Variants in GRID2IP observed in about 807,000 individuals in gnomAD.
The protein encoded by GRID2IP is Grid2 interacting protein, also known as delphilin.
In GRID2IP, 78 loss-of-function variants were observed where a neutral mutation model predicts 114.3. The ratio of observed to expected loss-of-function variants is 0.68; its 90% CI spans 0.57 to 0.82. The LOEUF is 0.82. Among genes scored for constraint, GRID2IP ranks in the 40% least tolerant of loss-of-function variants. GRID2IP has a pLI of 0.00. For synonymous variants in GRID2IP, 809 were observed against 724.0 expected, an observed-to-expected ratio of 1.12 and a Z score of -1.89; for missense variants, 1,727 against 1,678.5, an observed-to-expected ratio of 1.03 and a Z score of -0.51.
Position 6,510,282 on chromosome 7 carries a change from C to T in GRID2IP, c.1771+1G>A. ...GTAGATGACAGAGGCTGGAGCCCTA[C>T]CTGTGGTGACTGCTGGGCTGGGGCC... On this transcript the variant is annotated splice_donor_variant, in intron 11 of 21. Transcript: ENST00000457091. LOFTEE classifies it high-confidence loss of function. 6.5e-7 allele frequency: 1 copy of T among 1,535,786 alleles called. No homozygotes were observed. The highest frequency in any genetic ancestry group is 8.8e-7 in the Non-Finnish European group (1 of 1,137,786).
In GRID2IP at chr7:6,510,890, C is replaced by A. The variant is rs138354486; in HGVS notation, c.1555+18G>T. Reference sequence around the variant, plus strand: ...AAACTGAGCTCCATTCATACCCTCCCCCTGACACCAGCCTTACCGCAGCTG... The same window carrying A: ...AAACTGAGCTCCATTCATACCCTCCACCTGACACCAGCCTTACCGCAGCTG... On this transcript the variant is annotated intron_variant, in intron 9 of 21. Transcript: ENST00000457091. The A allele has an allele frequency of 2.6e-6, 4 of 1,549,562 alleles. 1 individual carries two copies. In the South Asian group the frequency reaches 3.6e-5, roughly 14 times the overall value.
At chr7:6,547,895 T>C (rs952042) in intron 1 of GRID2IP, among the ~76,000 whole-genome samples, 47,886 of 151,894 alleles carry the variant, frequency 0.32, 7,730 homozygotes, top group Admixed American at 0.39. Flanking sequence ...ATTTCTGCAA[T>C]AGTCAAACTC....
rs374943777 is a variant in GRID2IP at position 6,519,833 on chromosome 7, C to T, written c.1268+745G>A. Among the ~76,000 whole-genome samples the T allele has an allele frequency of 3.3e-4, 51 of 152,258 alleles. No individual in the cohort carries two copies. The South Asian group carries it at 0.011, about 32-fold the overall frequency. On this transcript the variant is annotated intron_variant, in intron 7 of 21. Coordinates refer to ENST00000457091, the MANE Select transcript of GRID2IP (RefSeq NM_001145118.2). The surrounding 1 kb of genome is among the most constrained non-coding windows in gnomAD (Gnocchi z 4.1). ...GGACAAGTGACAGGCTTTGCAGAGACCATAATAATGACCCCATGGACCGAG... is the reference window on the plus strand; with the variant it reads ...GGACAAGTGACAGGCTTTGCAGAGATCATAATAATGACCCCATGGACCGAG...
intron 20 of GRID2IP, among the ~76,000 whole-genome samples, chr7:6,498,452 C>T (rs533288855): frequency 5.3e-5 from 8 of 152,268 alleles, no homozygotes; most frequent in Non-Finnish European, 1.0e-4. Flanking sequence ...AGCCTCAGGC[C>T]ATTCACCCCT....
chr7:6,542,734 A>G (rs1233599614), intron 1 of GRID2IP, among the ~76,000 whole-genome samples: 62 of 152,182 alleles, frequency 4.1e-4, no homozygotes, highest in Non-Finnish European at 1.5e-5. Flanking sequence ...TGTTAGAGTG[A>G]TGAAATTGTT....
At position 6,518,323 on chromosome 7, in the gene GRID2IP, A is replaced by G. The variant is rs192338837; in HGVS notation, c.1268+2255T>C. 7.2e-5 allele frequency among the ~76,000 whole-genome samples: 11 copies of G among 152,364 alleles called. No individual in the cohort carries two copies. In the East Asian group the frequency reaches 2.1e-3, roughly 29 times the overall value. ...ACAAAAATGGACAAAGGGTATGAAC[A>G]GTAATTTATAGAGAAAAATCCCAGA... On this transcript the variant is annotated intron_variant, in intron 7 of 21. Transcript: ENST00000457091.
At chr7:6,498,024 C>T (rs4574760) in intron 21 of GRID2IP, 40 bp downstream of exon 21, 538,385 of 1,494,808 alleles carry the variant, frequency 0.36, 103,699 homozygotes, top group Non-Finnish European at 0.4. Flanking sequence ...CTGGCCCCCA[C>T]CTCTCCAAAA....
chr7:6,497,866 G>T (rs909895623), intron 21 of GRID2IP, 21 bp from the exon 22 acceptor site: 2 of 1,543,916 alleles, frequency 1.3e-6, no homozygotes, highest in Non-Finnish European at 1.8e-6. Flanking sequence ...GGAACACAGA[G>T]GTAGGGTGGT....
At chr7:6,546,857 TG>T (rs1779896969) in intron 1 of GRID2IP, among the ~76,000 whole-genome samples, 1 of 152,144 alleles carries the variant, frequency 6.6e-6, no homozygotes, top group Non-Finnish European at 1.5e-5. Context: ...CTTCCAACTC[TG>T]CAGGGATTAG....
chr7:6,545,203 C>A (rs181792200), intron 1 of GRID2IP, among the ~76,000 whole-genome samples: 1 of 152,038 alleles, frequency 6.6e-6, no homozygotes, highest in African/African-American at 2.4e-5. Context: ...CTCTTGTGCC[C>A]GGGAAATCAA....
chr7:6,537,265 C>T (rs1048119772), intron 2 of GRID2IP, among the ~76,000 whole-genome samples: 5 of 150,646 alleles, frequency 3.3e-5, no homozygotes, highest in East Asian at 2.0e-4. Context: ...GAGAGCAGGC[C>T]GGGCACGGTG....
chr7:6,550,971 C>CACCA, intron 1 of GRID2IP, 37 bp downstream of exon 1: 1 of 1,168,586 alleles, frequency 8.6e-7, no homozygotes, highest in Non-Finnish European at 1.1e-6. Flanking sequence ...TATGAGCCCC[C>CACCA]TCCTTCCCGC....
intron 8 of GRID2IP, among the ~76,000 whole-genome samples, chr7:6,511,625 G>A (rs992171683): frequency 3.3e-5 from 5 of 151,652 alleles, no homozygotes; most frequent in Non-Finnish European, 2.9e-5. Context: ...CGCCTGCCTC[G>A]GCCTCCCAAA....
At position 6,506,623 on chromosome 7, in the gene GRID2IP, G is replaced by A. The variant is rs1338308554; in HGVS notation, c.2545-716C>T. On this transcript the variant is annotated intron_variant, in intron 13 of 21. Coordinates refer to ENST00000457091, the MANE Select transcript of GRID2IP (RefSeq NM_001145118.2). This position sits in a 1 kb window ranked among gnomAD's most constrained non-coding sequence, Gnocchi z 5.2. Reference sequence around the variant, plus strand: ...TTGAAGATCGGTCCAAGGCTGGCAGGAGTGAGGTCTCCAGGGGACCCAGGA... The same window carrying A: ...TTGAAGATCGGTCCAAGGCTGGCAGAAGTGAGGTCTCCAGGGGACCCAGGA... Among the ~76,000 whole-genome samples the A allele has an allele frequency of 6.6e-6, 1 of 152,006 alleles. No individual in the cohort carries two copies.
chr7:6,545,709 G>A (rs772319209), intron 1 of GRID2IP, among the ~76,000 whole-genome samples: 31 of 152,138 alleles, frequency 2.0e-4, no homozygotes, highest in Non-Finnish European at 3.5e-4. Context: ...CAAGCACAGC[G>A]CCTGGCACAT....
Position 6,551,030 on chromosome 7 carries a change from T to G in GRID2IP, c.407A>C (p.Lys136Thr). Residue 136 changes from lysine (K) to threonine (T), a missense_variant, in exon 1 of 22, where the codon AAG becomes ACG. Coordinates refer to ENST00000457091, the MANE Select transcript of GRID2IP (RefSeq NM_001145118.2). ...TACCTTGCGGCTGAACTCTTGGGCC[T>G]TGCGCCTGCGCTCTCGGTGCACCGC... ...PDAVHRERRR[K>T]AQEFSRKVDE... The G allele has an allele frequency of 3.3e-6, 4 of 1,220,692 alleles. No individual in the cohort carries two copies. Among genetic ancestry groups the G allele is most frequent in the Non-Finnish European group, 3.1e-6 (3 of 983,032 alleles). 75.6% of individuals were successfully genotyped at this position (1,220,692 alleles called of 1,614,324 possible).
chr7:6,527,380 A>G (rs1310280730), intron 2 of GRID2IP, among the ~76,000 whole-genome samples: 1 of 152,200 alleles, frequency 6.6e-6, no homozygotes, highest in African/African-American at 2.4e-5. Context: ...TTCCTTAGCT[A>G]AATGAGGCTC....
intron 1 of GRID2IP, among the ~76,000 whole-genome samples, chr7:6,540,154 C>A (rs1435133321): frequency 7.5e-6 from 1 of 133,794 alleles, no homozygotes; most frequent in South Asian, 2.7e-4. Context: ...CAGTTTGTTA[C>A]CAGGCTGCAG....
intron 2 of GRID2IP, among the ~76,000 whole-genome samples, chr7:6,530,588 C>G (rs1321325493): frequency 6.9e-6 from 1 of 145,488 alleles, no homozygotes; most frequent in African/African-American, 2.5e-5. Flanking sequence ...ACCCAGCTTT[C>G]TTTATCTCAC....
Sources: allele counts gnomAD v4.1 joint callset (sites outside exome capture counted in the v4.1 genomes callset), GRCh38; gene constraint gnomAD v4.1.1; non-coding constraint Gnocchi (gnomAD v3.1); transcripts MANE v1.5; gene names NCBI Gene and HGNC (gene_info 2026-07-23, HGNC 2026-07-21).